Variants in DCHS2 observed in about 807,000 individuals in gnomAD.
DCHS2 encodes the protein protocadherin-23.
DCHS2 carries 142 observed loss-of-function variants against 182.4 expected under a neutral mutation model. That is an observed-to-expected ratio of 0.78 (90% CI 0.68 to 0.89). The LOEUF (loss-of-function observed/expected upper bound fraction) is 0.89. Ranked by LOEUF, DCHS2 falls within the 40% of genes least tolerant of loss-of-function variation. The pLI is 0.00. For missense variants in DCHS2, 4,319 were observed against 4,198.6 expected, an observed-to-expected ratio of 1.03 and a Z score of -0.79; for synonymous variants, 1,740 against 1,663.3, an observed-to-expected ratio of 1.05 and a Z score of -1.12.
chr4:154,490,163 C>A lies in DCHS2; in HGVS notation c.1193G>T (p.Arg398Leu). 6.5e-7 allele frequency: 1 copy of A among 1,549,400 alleles called. No individual in the cohort carries two copies. The change falls in exon 1 of 20, where the codon CGC becomes CTC. Residue 398 changes from arginine to leucine, a missense_variant. Physicochemically the swap from Arg to Leu is moderately radical, Grantham distance 102. Coordinates refer to ENST00000357232, the MANE Select transcript of DCHS2 (RefSeq NM_001358235.2). ...CACGTCCAGCACGGCGATGGACACG[C>A]GCACCGTGGCAACCTCAGGCTCGGC... ...GGAEPEVATVRVSIAVLDVND... is the reference protein window; with the variant it reads ...GGAEPEVATVLVSIAVLDVND...
At chr4:154,357,334 G>C in intron 3 of DCHS2, 1 of 1,576,404 alleles carries the variant, frequency 6.3e-7, no homozygotes, top group Non-Finnish European at 8.7e-7. Context: ...CCTAATTAGG[G>C]AAAAGGAGCC....
chr4:154,455,887 C>G (rs975083541), intron 1 of DCHS2, among the ~76,000 whole-genome samples: 22 of 152,036 alleles, frequency 1.4e-4, no homozygotes, highest in African/African-American at 5.1e-4. Context: ...GCCAGGAGTT[C>G]GAGCCCAGCC....
intron 1 of DCHS2, among the ~76,000 whole-genome samples, chr4:154,463,685 C>T (rs1735110931): frequency 9.4e-6 from 1 of 106,178 alleles, no homozygotes; most frequent in Non-Finnish European, 2.1e-5. Context: ...GTAAGCTATT[C>T]TCTCTTTTCT....
intron 1 of DCHS2, among the ~76,000 whole-genome samples, chr4:154,398,605 G>T (rs1021963000): frequency 2.6e-5 from 4 of 152,060 alleles, no homozygotes; most frequent in African/African-American, 7.2e-5. Flanking sequence ...CAAAATTTTT[G>T]AATGGTTTTT....
chr4:154,381,808 T>A (rs1731181394), intron 1 of DCHS2, among the ~76,000 whole-genome samples: 1 of 152,116 alleles, frequency 6.6e-6, no homozygotes, highest in Non-Finnish European at 1.5e-5. Context: ...TGGAAAAACA[T>A]TCCATGCTCA....
In DCHS2 at chr4:154,239,223, A is replaced by G; in HGVS notation, c.7439T>C (p.Ile2480Thr). The change falls in exon 19 of 20, where the codon ATT (isoleucine) becomes ACT (threonine). Residue 2480 changes from isoleucine (I) to threonine (T), a missense_variant. Coordinates refer to ENST00000357232, the MANE Select transcript of DCHS2 (RefSeq NM_001358235.2). ...AGAAGAGGATAGAATTCTGTAAGAA[A>G]TGTTCTCATTGCTTTCTAAGTCTGT... The part of the protein sequence containing the change: ...SATDLESNEN[I>T]SYRILSSSKE... 6.2e-7 allele frequency: 1 copy of G among 1,613,518 alleles called. No homozygotes were observed. Among genetic ancestry groups the G allele is most frequent in the Non-Finnish European group, 8.5e-7 (1 of 1,179,712 alleles).
rs1009414554 is a variant in DCHS2, at chr4:154,490,307, A to G, written c.1049T>C (p.Leu350Pro). 2 of 1,545,824 alleles carry G rather than the reference A, an allele frequency of 1.3e-6. No homozygotes were observed. The highest frequency in any genetic ancestry group is 2.7e-5 in the African/African-American group (2 of 72,956). Residue 350 changes from leucine (L) to proline (P), a missense_variant, in exon 1 of 20, where the codon CTG becomes CCG. Leu to Pro is a moderately conservative substitution (Grantham distance 98). Transcript: ENST00000357232. ...CACCGCGAAGTAGGCCGCGTCGCCC[A>G]GTGCCCCGCCGCCGCTACCCGCCCC... ...VPGAGSGGGA[L>P]GDAAYFAVEE...
chr4:154,409,574 G>T (rs1166808528), intron 1 of DCHS2, among the ~76,000 whole-genome samples: 1 of 152,036 alleles, frequency 6.6e-6, no homozygotes, highest in Admixed American at 6.6e-5. Flanking sequence ...CAACGTTGTG[G>T]GTAATCTTCA....
chr4:154,391,387 TAC>T, intron 1 of DCHS2: 2 of 1,480,586 alleles, frequency 1.4e-6, no homozygotes, highest in South Asian at 2.7e-5. Context: ...CATATGGAAA[TAC>T]CTCCATGACT....
intron 1 of DCHS2, among the ~76,000 whole-genome samples, chr4:154,405,613 AT>A (rs1214255416): frequency 6.6e-6 from 1 of 152,122 alleles, no homozygotes; most frequent in Non-Finnish European, 1.5e-5. Context: ...GATTAGACTT[AT>A]TTCAGATATT....
rs372010731 is a variant in DCHS2 at position 154,329,725 on chromosome 4, G to A, written c.3731-15C>T. 188 of 1,605,826 alleles carry A rather than the reference G, an allele frequency of 1.2e-4. 1 individual carries two copies. The African/African-American group carries it at 2.4e-3, about 20-fold the overall frequency. Reference sequence around the variant, plus strand: ...GATTAACTCTCCTGCAGAGTACAGAGCAGAACAAGACACAGGCACTGTGTA... The same window carrying A: ...GATTAACTCTCCTGCAGAGTACAGAACAGAACAAGACACAGGCACTGTGTA... On this transcript the variant is annotated splice_polypyrimidine_tract_variant and intron_variant, in intron 5 of 19. Coordinates refer to ENST00000357232, the MANE Select transcript of DCHS2 (RefSeq NM_001358235.2).
chr4:154,339,866 A>G (rs1728983328), intron 3 of DCHS2, among the ~76,000 whole-genome samples: 1 of 152,250 alleles, frequency 6.6e-6, no homozygotes, highest in Non-Finnish European at 1.5e-5. Flanking sequence ...ACTAATACAT[A>G]TACGATGTGT....
chr4:154,257,553 G>C (rs867656667), intron 15 of DCHS2, among the ~76,000 whole-genome samples: 1 of 152,192 alleles, frequency 6.6e-6, no homozygotes, highest in African/African-American at 2.4e-5. Flanking sequence ...CCTTTGGCGG[G>C]ATGGGAGTGG....
At chr4:154,268,180 T>C (rs1244207801) in intron 14 of DCHS2, among the ~76,000 whole-genome samples, 2 of 152,134 alleles carry the variant, frequency 1.3e-5, no homozygotes, top group East Asian at 3.9e-4. Flanking sequence ...AACCTCAGCA[T>C]ACAATCTTTT....
Position 154,236,158 on chromosome 4 carries a change from C to T in DCHS2, c.8494G>A (p.Gly2832Arg). ...HDLFLIDPLT[G>R]DIHAKQILDY... ...AGGATTTGCTTAGCATGAATATCCC[C>T]TGTCAAAGGGTCAATGAGGAAGAGA... The change falls in exon 20 of 20, where the codon GGG becomes AGG. Residue 2832 changes from glycine (G) to arginine (R), a missense_variant. Gly to Arg is a moderately radical substitution (Grantham distance 125). Transcript: ENST00000357232. 6.2e-7 allele frequency: 1 copy of T among 1,613,716 alleles called. No homozygotes were observed. The highest frequency in any genetic ancestry group is 8.5e-7 in the Non-Finnish European group (1 of 1,179,924).
intron 1 of DCHS2, among the ~76,000 whole-genome samples, chr4:154,440,399 C>T (rs75454055): frequency 6.5e-4 from 99 of 152,296 alleles, no homozygotes; most frequent in Non-Finnish European, 1.0e-3. Flanking sequence ...TATTGTGGTG[C>T]TGATCTTCTA....
At chr4:154,252,794 A>C (rs1342706149) in intron 16 of DCHS2, among the ~76,000 whole-genome samples, 1 of 152,034 alleles carries the variant, frequency 6.6e-6, no homozygotes, top group Non-Finnish European at 1.5e-5. Context: ...TAAATTGTCG[A>C]TATAGTGATT....
intron 10 of DCHS2, among the ~76,000 whole-genome samples, chr4:154,309,400 C>T (rs1484776977): frequency 6.6e-6 from 1 of 152,220 alleles, no homozygotes; most frequent in East Asian, 1.9e-4. Flanking sequence ...CTGTCGTCAT[C>T]AGCAATGCTA....
At chr4:154,359,990 A>T (rs1338789827) in intron 3 of DCHS2, among the ~76,000 whole-genome samples, 2 of 151,730 alleles carry the variant, frequency 1.3e-5, no homozygotes, top group African/African-American at 4.8e-5. Flanking sequence ...GTTTTTTTTT[A>T]AGTCATAATT....
Sources: allele counts gnomAD v4.1 joint callset (sites outside exome capture counted in the v4.1 genomes callset), GRCh38; gene constraint gnomAD v4.1.1; transcripts MANE v1.5; gene names NCBI Gene and HGNC (gene_info 2026-07-23, HGNC 2026-07-21).